The following ZRANB3 variants were observed in gnomAD, a reference collection of about 807,000 sequenced individuals.
ZRANB3 encodes the protein zinc finger RANBP2-type containing 3, also known as DNA annealing helicase and endonuclease ZRANB3.
Under a neutral mutation model 133.8 loss-of-function variants are expected in ZRANB3, and 125 were observed. The observed-to-expected ratio is 0.93, with a 90% CI of 0.81 to 1.08. The LOEUF (loss-of-function observed/expected upper bound fraction) is 1.08, where lower values mean the gene tolerates loss of function less well. ZRANB3 is among the 50% of genes least tolerant of loss of function. The pLI is 0.00. For synonymous variants in ZRANB3, 387 were observed against 432.7 expected (o/e 0.89, Z 1.31); for missense variants, 1,229 against 1,275.5 (o/e 0.96, Z 0.56).
chr2:135,514,351 C>T (rs1021785208), intron 1 of ZRANB3, among the ~76,000 whole-genome samples: 3 of 152,072 alleles, frequency 2.0e-5, no homozygotes, highest in African/African-American at 7.2e-5. Flanking sequence ...TGAAGAGGTC[C>T]TTCACCTCCA....
chr2:135,452,977 A>C (rs1690340727), intron 2 of ZRANB3, among the ~76,000 whole-genome samples: 1 of 152,230 alleles, frequency 6.6e-6, no homozygotes, highest in African/African-American at 2.4e-5. Context: ...ACACTGCCCT[A>C]ACAGAGGTTC....
chr2:135,449,005 TTGTAATACTAGGTGATTACAACTACAC>T (rs1381130214), intron 2 of ZRANB3, among the ~76,000 whole-genome samples: 3 of 152,214 alleles, frequency 2.0e-5, no homozygotes, highest in Admixed American at 6.5e-5. Flanking sequence ...ACCTAGTACA[TTGTAATACTAGGTGATTACAACTACAC>T]TGTAATACTA....
intron 6 of ZRANB3, among the ~76,000 whole-genome samples, chr2:135,321,491 TGAGAC>T (rs1683524994): frequency 7.1e-6 from 1 of 141,754 alleles, no homozygotes. Flanking sequence ...TTTTTTTTTT[TGAGAC>T]AGAGTCTCAT....
chr2:135,367,820 T>C (rs954341953), intron 3 of ZRANB3, among the ~76,000 whole-genome samples: 8 of 152,176 alleles, frequency 5.3e-5, no homozygotes, highest in African/African-American at 1.9e-4. Flanking sequence ...ATGTCCCTTG[T>C]TTTCCCAATA....
intron 3 of ZRANB3, among the ~76,000 whole-genome samples, chr2:135,372,622 T>C (rs2104901048): frequency 6.6e-6 from 1 of 151,892 alleles, no homozygotes; most frequent in Non-Finnish European, 1.5e-5. Flanking sequence ...CCGTCTCTAC[T>C]AAAAATACAA....
chr2:135,431,304 T>C (rs2104981879), intron 2 of ZRANB3, among the ~76,000 whole-genome samples: 1 of 151,022 alleles, frequency 6.6e-6, no homozygotes, highest in Non-Finnish European at 1.5e-5. Flanking sequence ...TGTGTATATG[T>C]AAATATATAT....
intron 2 of ZRANB3, among the ~76,000 whole-genome samples, chr2:135,415,115 G>T (rs879247315): frequency 3.1e-4 from 40 of 129,456 alleles, no homozygotes; most frequent in African/African-American, 9.7e-4. Context: ...AGAGCAGAAC[G>T]GAAGGAAATA....
chr2:135,471,402 T>C (rs573164455), intron 2 of ZRANB3, among the ~76,000 whole-genome samples: 21 of 152,172 alleles, frequency 1.4e-4, no homozygotes, highest in Non-Finnish European at 2.9e-4. Context: ...ACTTGCAACA[T>C]TTTAGTATTT....
chr2:135,215,439 AG>A (rs924662121), intron 17 of ZRANB3, among the ~76,000 whole-genome samples: 3 of 151,518 alleles, frequency 2.0e-5, no homozygotes, highest in African/African-American at 7.3e-5. Context: ...TTTTTTGTAG[AG>A]ATGAGGTTTT....
chr2:135,285,204 AT>A (rs747722685), intron 8 of ZRANB3, among the ~76,000 whole-genome samples: 6 of 152,078 alleles, frequency 3.9e-5, no homozygotes, highest in Non-Finnish European at 5.9e-5. Flanking sequence ...CAACCTACCC[AT>A]TCTTGCCACC....
intron 2 of ZRANB3, among the ~76,000 whole-genome samples, chr2:135,393,751 T>C (rs981553733): frequency 6.6e-6 from 1 of 152,148 alleles, no homozygotes; most frequent in African/African-American, 2.4e-5. Context: ...AAAGAACAAT[T>C]ATCCATAAAG....
chr2:135,403,415 C>T (rs550913349), intron 2 of ZRANB3, among the ~76,000 whole-genome samples: 9 of 152,318 alleles, frequency 5.9e-5, no homozygotes, highest in South Asian at 2.1e-4. Context: ...GAGAGGCGCC[C>T]GCCATTGCGG....
chr2:135,304,984 T>C (rs1682612743), intron 8 of ZRANB3, among the ~76,000 whole-genome samples: 1 of 152,138 alleles, frequency 6.6e-6, no homozygotes, highest in Admixed American at 6.5e-5. Flanking sequence ...GTTTCTTTTT[T>C]TTTGTTTTTT....
intron 1 of ZRANB3, among the ~76,000 whole-genome samples, chr2:135,523,571 A>G (rs569885348): frequency 6.6e-6 from 1 of 152,356 alleles, no homozygotes; most frequent in Admixed American, 6.5e-5. Context: ...CACACTTATT[A>G]TGTGTCAGGT....
At chr2:135,279,025 AGT>A (rs950281495) in intron 8 of ZRANB3, among the ~76,000 whole-genome samples, 1 of 152,132 alleles carries the variant, frequency 6.6e-6, no homozygotes, top group Non-Finnish European at 1.5e-5. Context: ...CAAAGCAAAT[AGT>A]AATACAAACA....
intron 3 of ZRANB3, among the ~76,000 whole-genome samples, chr2:135,387,850 T>C (rs1055595797): frequency 6.6e-6 from 1 of 152,210 alleles, no homozygotes; most frequent in Non-Finnish European, 1.5e-5. Flanking sequence ...AAAAGTGCTA[T>C]GTAATTGTAA....
chr2:135,206,697 AAAGG>A (rs910762992), intron 19 of ZRANB3, among the ~76,000 whole-genome samples: 1 of 149,922 alleles, frequency 6.7e-6, no homozygotes, highest in African/African-American at 2.5e-5. Context: ...GGAAAGGAGA[AAAGG>A]AAGGAAGGGA....
chr2:135,273,479 T>C (rs555421992), intron 9 of ZRANB3, among the ~76,000 whole-genome samples: 17 of 151,804 alleles, frequency 1.1e-4, no homozygotes, highest in Non-Finnish European at 2.4e-4. Context: ...CTAAAGAAAA[T>C]ACATTGTCAG....
intron 3 of ZRANB3, among the ~76,000 whole-genome samples, chr2:135,385,206 CAG>C (rs1686910466): frequency 6.6e-6 from 1 of 152,110 alleles, no homozygotes. Context: ...AACAGACAAA[CAG>C]AGAGCCAAAT....
Sources: allele counts gnomAD v4.1 joint callset (sites outside exome capture counted in the v4.1 genomes callset), GRCh38; gene constraint gnomAD v4.1.1; transcripts MANE v1.5; gene names NCBI Gene and HGNC (gene_info 2026-07-23, HGNC 2026-07-21).